The following ENTREP2 variants were observed in gnomAD, a reference collection of about 807,000 sequenced individuals.
ENTREP2 encodes endosomal transmembrane epsin interactor 2.
At chr15:29,486,399 A>G in the ENTREP2 span, among the ~76,000 whole-genome samples, 1 of 152,202 alleles carries the variant, frequency 6.6e-6, no homozygotes, top group Non-Finnish European at 1.5e-5. Context: ...AAAAAAAAGA[A>G]TGAAATCCTG....
the ENTREP2 span, among the ~76,000 whole-genome samples, chr15:29,319,954 T>G: frequency 4.6e-5 from 7 of 152,186 alleles, no homozygotes; most frequent in South Asian, 4.1e-4. Context: ...TTAAGAGCCC[T>G]GATGGCTGTA....
At chr15:29,335,399 T>A in the ENTREP2 span, among the ~76,000 whole-genome samples, 2 of 152,286 alleles carry the variant, frequency 1.3e-5, no homozygotes, top group East Asian at 1.9e-4. Flanking sequence ...AGTCATCCAG[T>A]ACAACACGTA....
At chr15:29,548,162 A>T in the ENTREP2 span, among the ~76,000 whole-genome samples, 1 of 152,180 alleles carries the variant, frequency 6.6e-6, no homozygotes, top group Non-Finnish European at 1.5e-5. Flanking sequence ...CTGTACACTT[A>T]CAATGGATAA....
At chr15:29,657,748 G>A in the ENTREP2 span, among the ~76,000 whole-genome samples, 1 of 152,082 alleles carries the variant, frequency 6.6e-6, no homozygotes, top group Non-Finnish European at 1.5e-5. Flanking sequence ...CCTCTTGTAA[G>A]ACAGAAAAGT....
chr15:29,590,166 T>C, the ENTREP2 span, among the ~76,000 whole-genome samples: 4 of 152,178 alleles, frequency 2.6e-5, no homozygotes, highest in Non-Finnish European at 4.4e-5. Context: ...TCAGGGGGTC[T>C]CAGAGCCATC....
the ENTREP2 span, among the ~76,000 whole-genome samples, chr15:29,638,839 G>C: frequency 2.0e-5 from 3 of 152,328 alleles, no homozygotes; most frequent in South Asian, 6.2e-4. Context: ...CACTAAGATT[G>C]CCTTGTCGAT....
chr15:29,187,584 GT>G, the ENTREP2 span, among the ~76,000 whole-genome samples: 10 of 152,102 alleles, frequency 6.6e-5, no homozygotes, highest in Admixed American at 2.0e-4. Context: ...CCAACTGTCT[GT>G]TTTTCTTGTC....
At chr15:29,366,160 G>A in the ENTREP2 span, among the ~76,000 whole-genome samples, 9 of 152,180 alleles carry the variant, frequency 5.9e-5, no homozygotes, top group South Asian at 1.5e-3. Flanking sequence ...TGCAACCTCC[G>A]CCTCCCAGGT....
At chr15:29,294,157 C>T in the ENTREP2 span, among the ~76,000 whole-genome samples, 4 of 152,124 alleles carry the variant, frequency 2.6e-5, no homozygotes, top group Non-Finnish European at 5.9e-5. Context: ...GCAGCCAGAG[C>T]CCCAGCCCCA....
chr15:29,674,134 G>GGT, the ENTREP2 span, among the ~76,000 whole-genome samples: 2 of 149,706 alleles, frequency 1.3e-5, 1 homozygote, highest in African/African-American at 4.9e-5. Context: ...AGGATGGGGG[G>GGT]GGGGGGGGGC....
the ENTREP2 span, among the ~76,000 whole-genome samples, chr15:29,401,351 A>G: frequency 6.6e-6 from 1 of 152,238 alleles, no homozygotes; most frequent in Non-Finnish European, 1.5e-5. Flanking sequence ...AAAATGGCTG[A>G]ATACGATGAA....
the ENTREP2 span, among the ~76,000 whole-genome samples, chr15:29,423,795 C>CA: frequency 0.1 from 15,706 of 150,482 alleles, 982 homozygotes; most frequent in East Asian, 0.3. Context: ...GACTCCGTCT[C>CA]AAAAAAAAAA....
the ENTREP2 span, among the ~76,000 whole-genome samples, chr15:29,644,303 G>A: frequency 6.6e-6 from 1 of 152,204 alleles, no homozygotes; most frequent in Non-Finnish European, 1.5e-5. Context: ...AAGGGGTGCA[G>A]AGTTCCTCTT....
At chr15:29,199,398 T>C in the ENTREP2 span, among the ~76,000 whole-genome samples, 2 of 152,210 alleles carry the variant, frequency 1.3e-5, no homozygotes, top group Admixed American at 1.3e-4. Context: ...GGGAAAAGGA[T>C]GTCCTAGCAT....
chr15:29,649,966 C>A, the ENTREP2 span, among the ~76,000 whole-genome samples: 1 of 151,932 alleles, frequency 6.6e-6, no homozygotes, highest in Non-Finnish European at 1.5e-5. Context: ...AAGGTATATG[C>A]CTCATCTGTA....
At chr15:29,635,111 G>T in the ENTREP2 span, among the ~76,000 whole-genome samples, 1 of 152,120 alleles carries the variant, frequency 6.6e-6, no homozygotes, top group African/African-American at 2.4e-5. Flanking sequence ...CCAAAGTGCT[G>T]GTATTACAGG....
At chr15:29,418,320 T>C in the ENTREP2 span, among the ~76,000 whole-genome samples, 1 of 152,170 alleles carries the variant, frequency 6.6e-6, no homozygotes, top group African/African-American at 2.4e-5. Flanking sequence ...TGGTAGCATT[T>C]AACTAACACA....
At chr15:29,444,207 AAAGAAAGAAAGAAAGAAAG>A in the ENTREP2 span, among the ~76,000 whole-genome samples, 3 of 147,230 alleles carry the variant, frequency 2.0e-5, no homozygotes, top group African/African-American at 5.3e-5. Context: ...AGAAAGAAAG[AAAGAAAGAAAGAAAGAAAG>A]AAAGAAAGAA....
the ENTREP2 span, among the ~76,000 whole-genome samples, chr15:29,532,072 T>C: frequency 4.8e-4 from 73 of 152,342 alleles, no homozygotes; most frequent in Non-Finnish European, 9.6e-4. Flanking sequence ...GACAATGCTA[T>C]TAACTATAGT....
Sources: gnomAD v4.1 joint callset for allele counts (sites outside exome capture counted in the v4.1 genomes callset) on GRCh38, gnomAD v4.1.1 for gene constraint, MANE v1.5 for transcripts, NCBI Gene and HGNC (gene_info 2026-07-23, HGNC 2026-07-21) for gene names.